The following ANKRD28 variants were observed in gnomAD, a reference collection of about 807,000 sequenced individuals.
ANKRD28 encodes the protein serine/threonine-protein phosphatase 6 regulatory ankyrin repeat subunit A.
ANKRD28 carries 44 observed loss-of-function variants against 126.5 expected under a neutral mutation model. The ratio of observed to expected loss-of-function variants is 0.35; its 90% CI spans 0.27 to 0.45. The LOEUF is 0.45. ANKRD28 is among the 20% of genes least tolerant of loss of function. The pLI is 1.00. For synonymous variants in ANKRD28, 442 were observed against 468.5 expected, an observed-to-expected ratio of 0.94 and a Z score of 0.73; for missense variants, 1,110 against 1,316.6, an observed-to-expected ratio of 0.84 and a Z score of 2.43.
Position 15,712,235 on chromosome 3 carries a change from G to GTATT in ANKRD28, c.1191-14_1191-13insAATA, listed in dbSNP as rs1469055555. On this transcript the variant is annotated splice_polypyrimidine_tract_variant and intron_variant, in intron 10 of 27. Transcript: ENST00000683139. The stretch of plus-strand genomic sequence containing the variant: ...ATGTATGCCACGCCTAAAGTTAATA[G>GTATT]AACAGGACAGTATCTTCATTTTAAC... 1 of 1,553,010 alleles carries GTATT rather than the reference G, an allele frequency of 6.4e-7. No homozygotes were observed. Among genetic ancestry groups the GTATT allele is most frequent in the African/African-American group, 1.4e-5 (1 of 73,500 alleles).
intron 2 of ANKRD28, among the ~76,000 whole-genome samples, chr3:15,794,126 A>G (rs1037094339): frequency 2.0e-5 from 3 of 152,294 alleles, no homozygotes; most frequent in African/African-American, 7.2e-5. Context: ...CATGTTTCCA[A>G]CTAAATATAA....
intron 2 of ANKRD28, among the ~76,000 whole-genome samples, chr3:15,770,332 T>A (rs960026918): frequency 6.6e-6 from 1 of 150,836 alleles, no homozygotes; most frequent in Non-Finnish European, 1.5e-5. Flanking sequence ...CAGAGCAATG[T>A]AACTTTAAAG....
At chr3:15,685,102 C>T (rs2067959358) in intron 21 of ANKRD28, 124 bp downstream of exon 21, 1 of 915,418 alleles carries the variant, frequency 1.1e-6, no homozygotes, top group South Asian at 1.5e-5. Context: ...AGTACGTGAG[C>T]CTATACAGTA....
At chr3:15,813,183 T>C (rs1559565885) in intron 1 of ANKRD28, among the ~76,000 whole-genome samples, 1 of 151,826 alleles carries the variant, frequency 6.6e-6, no homozygotes, top group East Asian at 1.9e-4. Flanking sequence ...CTGGGCAACA[T>C]GGTACAACCC....
intron 1 of ANKRD28, among the ~76,000 whole-genome samples, chr3:15,837,868 T>A (rs2061355576): frequency 7.8e-6 from 1 of 128,888 alleles, no homozygotes. Context: ...CCAAGAAAAC[T>A]GACAAACCTT....
At chr3:15,784,825 A>G (rs2059700154) in intron 2 of ANKRD28, among the ~76,000 whole-genome samples, 1 of 152,048 alleles carries the variant, frequency 6.6e-6, no homozygotes, top group Non-Finnish European at 1.5e-5. Context: ...GAGGATTCTG[A>G]GAATACAGCA....
chr3:15,747,995 G>C (rs768537250), intron 4 of ANKRD28, among the ~76,000 whole-genome samples: 107 of 152,094 alleles, frequency 7.0e-4, no homozygotes, highest in Non-Finnish European at 1.4e-3. Flanking sequence ...TGTTTTGTCT[G>C]ATATAAAAAT....
intron 21 of ANKRD28, chr3:15,684,563 T>C (rs2067890322): frequency 6.6e-6 from 1 of 152,170 alleles, no homozygotes. Context: ...TTTTGGTTAT[T>C]TTTCCCCTAA....
rs945127343 is a variant in ANKRD28, at chr3:15,815,727, T to C, written c.28-20421A>G. ...GAAGACATAAACTATCCTTGGATAG[T>C]TGGAGGAAGGTCAGCTATAGTTCTA... On this transcript the variant is annotated intron_variant, in intron 1 of 27. Coordinates refer to the ANKRD28 transcript ENST00000399451. The surrounding 1 kb of genome is among the most constrained non-coding windows in gnomAD (Gnocchi z 4.1). 6.6e-6 allele frequency among the ~76,000 whole-genome samples: 1 copy of C among 152,182 alleles called. No individual in the cohort carries two copies. The highest frequency in any genetic ancestry group is 1.5e-5 in the Non-Finnish European group (1 of 68,032).
chr3:15,755,357 G>A (rs930829683), intron 3 of ANKRD28, among the ~76,000 whole-genome samples: 7 of 152,142 alleles, frequency 4.6e-5, no homozygotes, highest in Non-Finnish European at 8.8e-5. Context: ...AGCAGCAGTT[G>A]GCTGTGTTCC....
At chr3:15,805,247 C>G (rs1309359177) in intron 1 of ANKRD28, among the ~76,000 whole-genome samples, 3 of 151,170 alleles carry the variant, frequency 2.0e-5, no homozygotes, top group Admixed American at 1.3e-4. Flanking sequence ...AACTAAGGAA[C>G]AAAGGGAGAA....
Position 15,678,248 on chromosome 3 carries a change from G to C in ANKRD28, c.2668C>G (p.Leu890Val), listed in dbSNP as rs761189148. 2 of 1,612,524 alleles carry C rather than the reference G, an allele frequency of 1.2e-6. No homozygotes were observed. Among genetic ancestry groups the C allele is most frequent in the South Asian group, 1.1e-5 (1 of 90,994 alleles). Residue 890 changes from leucine (L) to valine (V), a missense_variant, in exon 24 of 28, where the codon CTT (leucine) becomes GTT (valine). Physicochemically the swap from Leu to Val is conservative, Grantham distance 32. Coordinates refer to ENST00000683139, the MANE Select transcript of ANKRD28 (RefSeq NM_001349278.2). Reference sequence around the variant, plus strand: ...TGTCCATTTTCTGCAGCCATCATAAGAGGTGTTTTCCCTGTAGAGTCCACA... The same window carrying C: ...TGTCCATTTTCTGCAGCCATCATAACAGGTGTTTTCCCTGTAGAGTCCACA... ...NSVDSTGKTP[L>V]MMAAENGQTN...
intron 2 of ANKRD28, among the ~76,000 whole-genome samples, chr3:15,771,196 G>A (rs552553879): frequency 1.3e-5 from 2 of 152,068 alleles, no homozygotes; most frequent in Non-Finnish European, 2.9e-5. Context: ...GATCACCTGA[G>A]GACAGGAGTT....
intron 1 of ANKRD28, among the ~76,000 whole-genome samples, chr3:15,823,233 T>A (rs1424295027): frequency 6.6e-6 from 1 of 152,174 alleles, no homozygotes; most frequent in African/African-American, 2.4e-5. Flanking sequence ...TACAATAGGC[T>A]TCCTATGAGA....
chr3:15,677,425 T>C lies in ANKRD28; in HGVS notation c.2790+55A>G. The stretch of plus-strand genomic sequence containing the variant: ...TCATTTTAGTGAAGTCAAAAAACTT[T>C]TAAGGTCACTGTTAATATTAACAAT... On this transcript the variant is annotated intron_variant, in intron 25 of 27. Transcript: ENST00000683139. 2.9e-6 allele frequency: 4 copies of C among 1,377,320 alleles called. No individual in the cohort carries two copies. The South Asian group carries it at 3.6e-5, about 12-fold the overall frequency. 85.3% of individuals were successfully genotyped at this position (1,377,320 alleles called of 1,614,324 possible).
rs1198248982 is a variant in ANKRD28, at chr3:15,669,534, T to C, written c.*736A>G. ...ATGTCACAAGTATTTTCACCCGTAT[T>C]GCACCCAGTCAGCTGGTTTTTAATT... On this transcript the variant is annotated 3_prime_UTR_variant, in exon 28 of 28. Coordinates refer to ENST00000683139, the MANE Select transcript of ANKRD28 (RefSeq NM_001349278.2). The C allele has an allele frequency of 6.6e-6, 1 of 152,204 alleles. No individual in the cohort carries two copies. Among genetic ancestry groups the C allele is most frequent in the East Asian group, 1.9e-4 (1 of 5,204 alleles). The allele number at this position is 152,204 out of a possible 1,614,324, so 9.4% of individuals were successfully genotyped here. A position where few individuals can be genotyped will look rare whatever the true frequency, so the allele number is the denominator to read the frequency against.
At chr3:15,742,388 C>T (rs922752948) in intron 4 of ANKRD28, among the ~76,000 whole-genome samples, 8 of 150,670 alleles carry the variant, frequency 5.3e-5, no homozygotes, top group South Asian at 4.2e-4. Flanking sequence ...TCTGCCCCGC[C>T]GCCCCGTCTG....
rs773220187 is a variant in ANKRD28 at position 15,814,344 on chromosome 3, C to T, written c.28-19038G>A. On this transcript the variant is annotated intron_variant, in intron 1 of 27. Transcript: ENST00000399451. The surrounding 1 kb of genome is among the most constrained non-coding windows in gnomAD (Gnocchi z 4.7). ...AAAACAGATATCAAAAGAAAGAATA[C>T]GCTGATCCTAGAAATTAAGGGCTAT... is the stretch of plus-strand genomic sequence containing the variant. 2.5e-5 allele frequency: 30 copies of T among 1,179,666 alleles called. No homozygotes were observed. The highest frequency in any genetic ancestry group is 3.1e-5 in the Non-Finnish European group (28 of 905,576). The allele number at this position is 1,179,666 out of a possible 1,614,324, so 73.1% of individuals were successfully genotyped here.
intron 14 of ANKRD28, among the ~76,000 whole-genome samples, chr3:15,698,072 G>C (rs1488635731): frequency 6.6e-6 from 1 of 151,976 alleles, no homozygotes; most frequent in Non-Finnish European, 1.5e-5. Context: ...TGAGCTCGGT[G>C]GTGATATTCC....
Sources: gnomAD v4.1 joint callset for allele counts (sites outside exome capture counted in the v4.1 genomes callset) on GRCh38, gnomAD v4.1.1 for gene constraint, Gnocchi (gnomAD v3.1) non-coding constraint, MANE v1.5 for transcripts, NCBI Gene and HGNC (gene_info 2026-07-23, HGNC 2026-07-21) for gene names.